CLMP: variants seen among roughly 807,000 people sequenced by gnomAD.
CLMP encodes the protein CXADR like cell adhesion molecule, also known as CXADR-like membrane protein.
Under a neutral mutation model 45.2 loss-of-function variants are expected in CLMP, and 27 were observed. The observed-to-expected ratio is 0.60, with a 90% CI of 0.44 to 0.82. The LOEUF (loss-of-function observed/expected upper bound fraction) is 0.82. Among genes scored for constraint, CLMP ranks in the 40% least tolerant of loss-of-function variants. The probability of loss-of-function intolerance (pLI) is 0.00; values close to 1 mark genes in which losing one functional copy is unlikely to be tolerated. For synonymous variants in CLMP, 167 were observed against 171.4 expected (o/e 0.97, Z 0.20); for missense variants, 403 against 448.4 (o/e 0.90, Z 0.91).
chr11:123,177,070 G>T (rs1861709408), intron 1 of CLMP, among the ~76,000 whole-genome samples: 1 of 152,174 alleles, frequency 6.6e-6, no homozygotes, highest in South Asian at 2.1e-4. Flanking sequence ...GGTGATTGTT[G>T]CCATAACAGA....
At chr11:123,160,136 C>T (rs1341721973) in intron 1 of CLMP, among the ~76,000 whole-genome samples, 2 of 151,664 alleles carry the variant, frequency 1.3e-5, no homozygotes, top group Non-Finnish European at 1.5e-5. Context: ...GAAAATTAGC[C>T]GGTCATGGTG....
At chr11:123,125,066 T>C (rs1860869914) in intron 1 of CLMP, among the ~76,000 whole-genome samples, 1 of 152,000 alleles carries the variant, frequency 6.6e-6, no homozygotes, top group Admixed American at 6.6e-5. Context: ...CTAGCTAATT[T>C]TCTGTATTTT....
intron 5 of CLMP, among the ~76,000 whole-genome samples, chr11:123,077,896 C>A (rs1369694631): frequency 6.6e-6 from 1 of 152,096 alleles, no homozygotes; most frequent in Non-Finnish European, 1.5e-5. Context: ...CACTTGATGC[C>A]AGGAGTTCGA....
intron 1 of CLMP, among the ~76,000 whole-genome samples, chr11:123,101,974 A>G (rs998745070): frequency 2.6e-5 from 4 of 152,092 alleles, no homozygotes; most frequent in African/African-American, 9.7e-5. Flanking sequence ...GCTTGAGTCC[A>G]GGAGTTTTGA....
chr11:123,074,111 G>A (rs1218804743), intron 6 of CLMP, among the ~76,000 whole-genome samples: 3 of 151,824 alleles, frequency 2.0e-5, no homozygotes, highest in African/African-American at 4.8e-5. Context: ...TGCCCATTAT[G>A]GGTAGAAGTG....
intron 1 of CLMP, among the ~76,000 whole-genome samples, chr11:123,106,786 C>T (rs1463535991): frequency 6.6e-5 from 10 of 151,846 alleles, no homozygotes; most frequent in African/African-American, 2.2e-4. Context: ...GTTGGGAGGT[C>T]GAGGTGGGCG....
chr11:123,129,771 G>T (rs746479630), intron 1 of CLMP, among the ~76,000 whole-genome samples: 1 of 149,422 alleles, frequency 6.7e-6, no homozygotes, highest in Non-Finnish European at 1.5e-5. Flanking sequence ...TTATACATCA[G>T]GCAGCTAAAT....
intron 1 of CLMP, among the ~76,000 whole-genome samples, chr11:123,114,441 T>TCCCA (rs1565386384): frequency 2.1e-5 from 1 of 48,128 alleles, no homozygotes; most frequent in Non-Finnish European, 4.2e-5. Context: ...CCTCCCTCCC[T>TCCCA]CCCTCCCTCT....
intron 6 of CLMP, among the ~76,000 whole-genome samples, chr11:123,074,212 T>A (rs1041362185): frequency 6.6e-6 from 1 of 150,960 alleles, no homozygotes; most frequent in African/African-American, 2.4e-5. Context: ...TCTTTCTCTG[T>A]CACCCAGGCT....
intron 5 of CLMP, among the ~76,000 whole-genome samples, chr11:123,078,341 A>G (rs1274325568): frequency 2.0e-5 from 3 of 152,236 alleles, no homozygotes; most frequent in Non-Finnish European, 4.4e-5. Context: ...TGGGGAATTA[A>G]AGAAACCAGA....
chr11:123,166,915 C>T lies in CLMP; in HGVS notation c.28+27998G>A, dbSNP rs1415573592. ...ACTCCATAAATATGTACAATTATTA[C>T]GTGTCAATTAGAAACAAAATAAAAC... On this transcript the variant is annotated intron_variant, in intron 1 of 6. Coordinates refer to ENST00000448775, the MANE Select transcript of CLMP (RefSeq NM_024769.5). Among the ~76,000 whole-genome samples, 3 of 151,830 alleles carry T rather than the reference C, an allele frequency of 2.0e-5. No homozygotes were observed. In the East Asian group the frequency reaches 5.8e-4, roughly 29 times the overall value.
chr11:123,084,043 C>T (rs570255671), intron 3 of CLMP, among the ~76,000 whole-genome samples, 196 bp from the exon 4 acceptor site: 23 of 152,306 alleles, frequency 1.5e-4, no homozygotes, highest in African/African-American at 4.8e-4. Context: ...CACACATACC[C>T]GCAACTCCAG....
In CLMP at chr11:123,083,149, C is replaced by G. The variant is rs147779848; in HGVS notation, c.615G>C (p.Leu205=). The change falls in exon 5 of 7, where the codon CTG becomes CTC. Residue 205 remains leucine, a synonymous_variant. Coordinates refer to ENST00000448775, the MANE Select transcript of CLMP (RefSeq NM_024769.5). ...CTTCGTTGCCTGCTGTGCACTGGTA[C>G]AGTCCAGAGTAGGACATGGTAAGAT... The part of the protein sequence containing the change: ...LQNLTMSYSG[L]YQCTAGNEAG... The G allele has an allele frequency of 6.2e-6, 10 of 1,613,942 alleles. No individual in the cohort carries two copies. The highest frequency in any genetic ancestry group is 7.6e-6 in the Non-Finnish European group (9 of 1,179,930).
chr11:123,155,639 T>C lies in CLMP; in HGVS notation c.28+39274A>G, dbSNP rs528233686. On this transcript the variant is annotated intron_variant, in intron 1 of 6. Transcript: ENST00000448775. ...TTCAAAACATACATTCTTTTTCTGA[T>C]ACCATAATGTCCTTTCATCCAGAGA... is the stretch of plus-strand genomic sequence containing the variant. Among the ~76,000 whole-genome samples, 9 of 152,304 alleles carry C rather than the reference T, an allele frequency of 5.9e-5. No individual in the cohort carries two copies. In the South Asian group the frequency reaches 1.2e-3, roughly 21 times the overall value.
chr11:123,182,722 A>G (rs903891291), intron 1 of CLMP, among the ~76,000 whole-genome samples: 3 of 152,172 alleles, frequency 2.0e-5, no homozygotes, highest in African/African-American at 7.2e-5. Context: ...CGACCTCGGC[A>G]AAAGGGTGTA....
At chr11:123,148,332 G>C (rs1861267690) in intron 1 of CLMP, among the ~76,000 whole-genome samples, 1 of 152,166 alleles carries the variant, frequency 6.6e-6, no homozygotes, top group Non-Finnish European at 1.5e-5. Context: ...TTCTGCACAA[G>C]GGCATTTGGA....
At chr11:123,176,557 A>G (rs139968209) in intron 1 of CLMP, among the ~76,000 whole-genome samples, 2 of 152,120 alleles carry the variant, frequency 1.3e-5, no homozygotes, top group Non-Finnish European at 2.9e-5. Context: ...CTGAGATTCC[A>G]CCCCCATGCT....
chr11:123,185,199 A>C (rs1044721985), intron 1 of CLMP, among the ~76,000 whole-genome samples: 2 of 152,096 alleles, frequency 1.3e-5, no homozygotes, highest in African/African-American at 4.8e-5. Flanking sequence ...GAGGAGAGCA[A>C]AGGCTTTCAG....
At chr11:123,107,909 C>G (rs1347731962) in intron 1 of CLMP, among the ~76,000 whole-genome samples, 1 of 151,994 alleles carries the variant, frequency 6.6e-6, no homozygotes, top group Non-Finnish European at 1.5e-5. Flanking sequence ...TTCCTCACAA[C>G]AACAGCCATC....
Sources: gnomAD v4.1 joint callset for allele counts (sites outside exome capture counted in the v4.1 genomes callset) on GRCh38, gnomAD v4.1.1 for gene constraint, MANE v1.5 for transcripts, NCBI Gene and HGNC (gene_info 2026-07-23, HGNC 2026-07-21) for gene names.